The following MAEA variants were observed in gnomAD, a reference collection of about 807,000 sequenced individuals.
The protein encoded by MAEA is E3 ubiquitin-protein transferase MAEA.
MAEA carries 22 observed loss-of-function variants against 46.2 expected under a neutral mutation model. The observed-to-expected ratio is 0.48, with a 90% confidence interval of 0.34 to 0.68. MAEA has a LOEUF of 0.68. Among genes scored for constraint, MAEA ranks in the 30% least tolerant of loss-of-function variants. The pLI is 0.01. For synonymous variants in MAEA, 246 were observed against 222.6 expected, an observed-to-expected ratio of 1.11 and a Z score of -0.94; for missense variants, 393 against 558.1, an observed-to-expected ratio of 0.70 and a Z score of 2.98.
intron 6 of MAEA, chr4:1,335,259 T>A: frequency 1.0e-6 from 1 of 985,510 alleles, no homozygotes; most frequent in Non-Finnish European, 1.2e-6. Context: ...CACCTAATGC[T>A]CTGAGGTGCA....
Position 1,311,932 on chromosome 4 carries a change from G to T in MAEA, c.70-47G>T. On this transcript the variant is annotated intron_variant, in intron 1 of 8. Transcript: ENST00000303400. This position sits in a 1 kb window ranked among gnomAD's most constrained non-coding sequence, Gnocchi z 4.4. Reference sequence around the variant, plus strand: ...GTGTCCTGGGTGTGGGGCTGGTGGGGCTCACACCAGGGGAGCAGATCCCTC... The same window carrying T: ...GTGTCCTGGGTGTGGGGCTGGTGGGTCTCACACCAGGGGAGCAGATCCCTC... 1 of 1,548,736 alleles carries T rather than the reference G, an allele frequency of 6.5e-7. No individual in the cohort carries two copies. Among genetic ancestry groups the T allele is most frequent in the Non-Finnish European group, 8.8e-7 (1 of 1,132,586 alleles).
At chr4:1,322,980 G>A (rs2108961417) in intron 4 of MAEA, among the ~76,000 whole-genome samples, 1 of 127,670 alleles carries the variant, frequency 7.8e-6, no homozygotes, top group Non-Finnish European at 1.6e-5. Flanking sequence ...TTTTGAGACG[G>A]AGTCTCGCTT....
intron 1 of MAEA, among the ~76,000 whole-genome samples, chr4:1,291,149 A>G (rs2108841588): frequency 6.6e-6 from 1 of 152,250 alleles, no homozygotes; most frequent in Middle Eastern, 3.4e-3. Flanking sequence ...CCTCCTCTTT[A>G]TTAACTAGCG....
chr4:1,306,320 G>A, intron 1 of MAEA, among the ~76,000 whole-genome samples: 1 of 152,184 alleles, frequency 6.6e-6, no homozygotes, highest in South Asian at 2.1e-4. Context: ...GAACTTCTCT[G>A]TGATGTTCCT....
intron 3 of MAEA, 68 bp downstream of exon 3, chr4:1,315,668 G>A: frequency 6.6e-7 from 1 of 1,524,000 alleles, no homozygotes; most frequent in Non-Finnish European, 9.0e-7. Context: ...CCGCCCTGTG[G>A]CATGTCCCCC....
intron 3 of MAEA, among the ~76,000 whole-genome samples, chr4:1,318,546 G>A (rs2108940149): frequency 6.6e-6 from 1 of 152,308 alleles, no homozygotes; most frequent in South Asian, 2.1e-4. Flanking sequence ...GAAGAAGGCG[G>A]GCGTGTGGAG....
At chr4:1,312,291 G>A (rs1039913264) in intron 2 of MAEA, 130 bp downstream of exon 2, 151 of 1,006,914 alleles carry the variant, frequency 1.5e-4, no homozygotes, top group Middle Eastern at 2.1e-4. Flanking sequence ...CCCCTTCCCT[G>A]CTGTCTGCCT....
At chr4:1,293,062 T>G (rs1488970751) in intron 1 of MAEA, among the ~76,000 whole-genome samples, 1 of 151,858 alleles carries the variant, frequency 6.6e-6, no homozygotes, top group African/African-American at 2.4e-5. Context: ...CCCAGCTAAT[T>G]TTTTGTATTT....
In MAEA at chr4:1,339,429, ACT is replaced by A. The variant is rs1323881938; in HGVS notation, c.*263_*264del. ...AAAGTACTTTCAACTTGCGAAGGAA[ACT>A]CTTCTTTAAAGACTGACCTAAACAC... On this transcript the variant is annotated 3_prime_UTR_variant, in exon 9 of 9. Transcript: ENST00000303400. 3.9e-6 allele frequency: 2 copies of A among 509,674 alleles called. No individual in the cohort carries two copies. The highest frequency in any genetic ancestry group is 3.4e-5 in the East Asian group (1 of 29,792). 31.6% of individuals were successfully genotyped at this position (509,674 alleles called of 1,614,324 possible).
Position 1,338,590 on chromosome 4 carries a change from G to C in MAEA, c.1068G>C (p.Leu356=). The C allele has an allele frequency of 6.2e-7, 1 of 1,612,268 alleles. No individual in the cohort carries two copies. Among genetic ancestry groups the C allele is most frequent in the Non-Finnish European group, 8.5e-7 (1 of 1,179,628 alleles). ...VMNENNPPMM[L]PNGYVYGYNS... is the part of the protein sequence containing the mutation. ...ACGAGAACAATCCGCCCATGATGCT[G>C]CCCAACGGCTACGTCTACGGCTACA... Residue 356 remains leucine, a synonymous_variant, in exon 8 of 9, where the codon CTG becomes CTC. Coordinates refer to ENST00000303400, the MANE Select transcript of MAEA (RefSeq NM_001017405.3).
At position 1,337,820 on chromosome 4, in the gene MAEA, TCCTGTGACTGACTCTGTCCCCA is replaced by T. The variant is rs1202759755; in HGVS notation, c.900-566_900-545del. The T allele has an allele frequency of 1.6e-3, 273 of 172,604 alleles. 1 individual carries two copies. The highest frequency in any genetic ancestry group is 2.7e-3 in the Middle Eastern group (1 of 370). The allele number at this position is 172,604 out of a possible 1,614,324, so 10.7% of individuals were successfully genotyped here. A position where few individuals can be genotyped will look rare whatever the true frequency, so the allele number is the denominator to read the frequency against. ...CCTGCCTGTGACTGACTCTGCCCTC[TCCTGTGACTGACTCTGTCCCCA>T]CCTGTGACTGACTCTGTCCCCACCT... On this transcript the variant is annotated intron_variant, in intron 7 of 8. Coordinates refer to ENST00000303400, the MANE Select transcript of MAEA (RefSeq NM_001017405.3).
At chr4:1,330,171 G>A in intron 5 of MAEA, 2 of 983,384 alleles carry the variant, frequency 2.0e-6, no homozygotes, top group African/African-American at 1.7e-5. Flanking sequence ...TAGTAAATGA[G>A]TAAGTGAATC....
intron 7 of MAEA, chr4:1,337,920 C>G (rs1431944453): frequency 5.8e-6 from 1 of 172,430 alleles, no homozygotes; most frequent in African/African-American, 2.4e-5. Context: ...GAATGTCTTT[C>G]ATGTGACCTG....
At chr4:1,314,773 C>T (rs1463243002) in intron 2 of MAEA, among the ~76,000 whole-genome samples, 2 of 152,218 alleles carry the variant, frequency 1.3e-5, no homozygotes, top group Non-Finnish European at 2.9e-5. Flanking sequence ...AACAGACAGC[C>T]GGACAGCTGA....
chr4:1,338,323 C>G (rs1713068177), intron 7 of MAEA, 99 bp from the exon 8 acceptor site: 1 of 932,880 alleles, frequency 1.1e-6, no homozygotes, highest in South Asian at 1.6e-5. Flanking sequence ...GCCCACATAG[C>G]CAGAAGGGCA....
chr4:1,321,234 A>G (rs573005802), intron 3 of MAEA, among the ~76,000 whole-genome samples: 8 of 152,250 alleles, frequency 5.3e-5, no homozygotes, highest in African/African-American at 1.4e-4. Context: ...AGAAAACGCT[A>G]TGAAGGGGCT....
chr4:1,298,047 A>G (rs1344333905), intron 1 of MAEA: 2 of 456,154 alleles, frequency 4.4e-6, no homozygotes, highest in Non-Finnish European at 8.8e-6. Context: ...TGCTGCCTGG[A>G]GTGGGTGTCG....
At chr4:1,313,552 C>G (rs1012737318) in intron 2 of MAEA, among the ~76,000 whole-genome samples, 3 of 152,034 alleles carry the variant, frequency 2.0e-5, no homozygotes, top group Non-Finnish European at 2.9e-5. Context: ...ACAGGGAGAC[C>G]CCATCTCCAC....
rs150468473 is a variant in MAEA, at chr4:1,335,107, G to A, written c.766-1754G>A. 52 of 985,194 alleles carry A rather than the reference G, an allele frequency of 5.3e-5. 1 individual carries two copies. The highest frequency in any genetic ancestry group is 3.0e-4 in the African/African-American group (17 of 57,182). 61.0% of individuals were successfully genotyped at this position (985,194 alleles called of 1,614,324 possible). A position where few individuals can be genotyped will look rare whatever the true frequency, so the allele number is the denominator to read the frequency against. On this transcript the variant is annotated intron_variant, in intron 6 of 8. Transcript: ENST00000303400. ...GTTTTTCTCTCCTGTGCTCACACAC[G>A]CTCTCTCTCTTAAGTCTAAACCTGA...
Sources: allele counts gnomAD v4.1 joint callset (sites outside exome capture counted in the v4.1 genomes callset), GRCh38; gene constraint gnomAD v4.1.1; non-coding constraint Gnocchi (gnomAD v3.1); transcripts MANE v1.5; gene names NCBI Gene and HGNC (gene_info 2026-07-23, HGNC 2026-07-21).